The following ROR2 variants were observed in gnomAD, a reference collection of about 807,000 sequenced individuals.
ROR2 encodes the protein tyrosine-protein kinase transmembrane receptor ROR2.
ROR2 carries 33 observed loss-of-function variants against 74.9 expected under a neutral mutation model. The ratio of observed to expected loss-of-function variants is 0.44; its 90% CI spans 0.33 to 0.59. The LOEUF (loss-of-function observed/expected upper bound fraction) is 0.59. Among genes scored for constraint, ROR2 ranks in the 20% least tolerant of loss-of-function variants. The pLI is 0.02. For synonymous variants in ROR2, 586 were observed against 558.7 expected (o/e 1.05, Z -0.69); for missense variants, 1,216 against 1,313.8 (o/e 0.93, Z 1.15).
At chr9:91,916,345 C>T (rs1564036403) in intron 1 of ROR2, among the ~76,000 whole-genome samples, 1 of 152,020 alleles carries the variant, frequency 6.6e-6, no homozygotes, top group African/African-American at 2.4e-5. Context: ...GCTCCCCTGA[C>T]TTTATATTGG....
At chr9:91,855,485 G>A (rs1175292500) in intron 1 of ROR2, among the ~76,000 whole-genome samples, 1 of 152,208 alleles carries the variant, frequency 6.6e-6, no homozygotes, top group African/African-American at 2.4e-5. Flanking sequence ...AGGGAGGGGT[G>A]AAGGTTCATC....
At chr9:91,855,602 G>A (rs1008687963) in intron 1 of ROR2, among the ~76,000 whole-genome samples, 14 of 152,268 alleles carry the variant, frequency 9.2e-5, no homozygotes, top group South Asian at 8.3e-4. Context: ...GACACCCAGG[G>A]GCAATCAGCC....
chr9:91,928,955 T>C (rs1208046270), intron 1 of ROR2, among the ~76,000 whole-genome samples: 1 of 152,254 alleles, frequency 6.6e-6, no homozygotes, highest in Admixed American at 6.5e-5. Flanking sequence ...AGGTGTTGAA[T>C]AGAAAGACTG....
intron 1 of ROR2, chr9:91,886,948 C>A (rs1161183333): frequency 1.3e-5 from 2 of 152,160 alleles, no homozygotes; most frequent in African/African-American, 4.8e-5. Flanking sequence ...GACTGCCTGC[C>A]GTGTCTTTTA....
intron 1 of ROR2, among the ~76,000 whole-genome samples, chr9:91,804,987 T>C (rs1827502480): frequency 6.6e-6 from 1 of 152,240 alleles, no homozygotes; most frequent in Non-Finnish European, 1.5e-5. Flanking sequence ...TTAGCCCTCC[T>C]TTCTCACAGA....
chr9:91,933,930 A>G (rs754509166), intron 1 of ROR2, among the ~76,000 whole-genome samples: 1 of 152,240 alleles, frequency 6.6e-6, no homozygotes, highest in Admixed American at 6.5e-5. Flanking sequence ...GTAATGGTCA[A>G]GTAACAATAA....
Position 91,880,019 on chromosome 9 carries a change from T to G in ROR2, c.97+69848A>C, listed in dbSNP as rs112907855. 9.1e-3 allele frequency among the ~76,000 whole-genome samples: 1,387 copies of G among 152,272 alleles called. 31 individuals are homozygous for G. The highest frequency in any genetic ancestry group is 0.031 in the African/African-American group (1,294 of 41,542). ...CTCCTAATTATTATCGGCTGAATTG[T>G]GACCTCCAAAATTCGTATGTTGAAG... On this transcript the variant is annotated intron_variant, in intron 1 of 8. Coordinates refer to ENST00000375708, the MANE Select transcript of ROR2 (RefSeq NM_004560.4).
At chr9:91,840,074 G>C (rs73651570) in intron 1 of ROR2, among the ~76,000 whole-genome samples, 1 of 151,880 alleles carries the variant, frequency 6.6e-6, no homozygotes, top group East Asian at 1.9e-4. Context: ...CACCCTGCCC[G>C]GGAAATGCCC....
intron 2 of ROR2, among the ~76,000 whole-genome samples, chr9:91,768,174 C>T (rs1167168909): frequency 1.3e-5 from 2 of 152,160 alleles, no homozygotes; most frequent in Non-Finnish European, 2.9e-5. Context: ...CAGAAGGAAC[C>T]GACTCTGCCA....
At chr9:91,839,831 C>T (rs1050427262) in intron 1 of ROR2, among the ~76,000 whole-genome samples, 6 of 151,844 alleles carry the variant, frequency 4.0e-5, no homozygotes, top group African/African-American at 9.7e-5. Context: ...TTTTCTCCAC[C>T]GACACTCCTG....
At chr9:91,885,446 A>T (rs1830243459) in intron 1 of ROR2, among the ~76,000 whole-genome samples, 1 of 152,176 alleles carries the variant, frequency 6.6e-6, no homozygotes, top group Non-Finnish European at 1.5e-5. Flanking sequence ...TCAGCCCATT[A>T]TCTCCATTCC....
chr9:91,933,612 T>A (rs1416852979), intron 1 of ROR2, among the ~76,000 whole-genome samples: 1 of 152,188 alleles, frequency 6.6e-6, no homozygotes, highest in Non-Finnish European at 1.5e-5. Context: ...ATGAGAACTA[T>A]CGTTAGGTGA....
At chr9:91,836,550 A>AAAAAAAAAAAAAAAAAAAAAAAAAAAC (rs1828617680) in intron 1 of ROR2, among the ~76,000 whole-genome samples, 1 of 151,896 alleles carries the variant, frequency 6.6e-6, no homozygotes, top group Admixed American at 6.6e-5. Context: ...AAAAAAAAAA[A>AAAAAAAAAAAAAAAAAAAAAAAAAAAC]AAAACAGTCT....
chr9:91,874,327 G>A (rs574605684), intron 1 of ROR2, among the ~76,000 whole-genome samples: 6 of 152,212 alleles, frequency 3.9e-5, no homozygotes, highest in African/African-American at 1.4e-4. Context: ...AGTGGCACAC[G>A]TGTCCCAGGA....
rs1832126324 is a variant in ROR2, at chr9:91,949,886, G to A, written c.78C>T (p.Leu26=). The part of the protein sequence containing the change: ...PAVWAAAALL[L]SVSRTSGEVE... The stretch of plus-strand genomic sequence containing the variant: ...TCCTACCTGAAGTCCGGGACACTGA[G>A]AGCAGAAGCGCGGCGGCCGCCCAGA... The change falls in exon 1 of 9, where the codon CTC becomes CTT. Residue 26 remains leucine, a synonymous_variant. Transcript: ENST00000375708. 12 of 1,540,754 alleles carry A rather than the reference G, an allele frequency of 7.8e-6. No individual in the cohort carries two copies. The highest frequency in any genetic ancestry group is 2.0e-5 in the Admixed American group (1 of 50,796).
intron 1 of ROR2, among the ~76,000 whole-genome samples, chr9:91,911,404 A>G (rs142505226): frequency 3.3e-5 from 5 of 152,342 alleles, no homozygotes; most frequent in Non-Finnish European, 7.4e-5. Flanking sequence ...AACACTGTGT[A>G]TCTGTGTATC....
At chr9:91,931,611 A>G (rs967090294) in intron 1 of ROR2, among the ~76,000 whole-genome samples, 1 of 152,216 alleles carries the variant, frequency 6.6e-6, no homozygotes, top group African/African-American at 2.4e-5. Context: ...ACCAAATTTT[A>G]AGCCATTTAA....
In ROR2 at chr9:91,730,976, C is replaced by A; in HGVS notation, c.1117G>T (p.Glu373Ter). 2 of 1,614,238 alleles carry A rather than the reference C, an allele frequency of 1.2e-6. No homozygotes were observed. Among genetic ancestry groups the A allele is most frequent in the Non-Finnish European group, 1.7e-6 (2 of 1,180,044 alleles). Residue 373 changes from glutamate (E) to a stop codon, truncating the protein, a stop_gained, in exon 7 of 9, where the codon GAG becomes TAG. Transcript: ENST00000375708. LOFTEE classifies it high-confidence loss of function. ...AYCRNPGGQM[E>*]GPWCFTQNKN... ...TTCTGCGTAAAGCACCAGGGGCCCTCCATCTGGCCTCCGGGGTTCCGGCAG... is the reference window on the plus strand; with the variant it reads ...TTCTGCGTAAAGCACCAGGGGCCCTACATCTGGCCTCCGGGGTTCCGGCAG...
chr9:91,728,425 GTGTT>G (rs141451803), intron 7 of ROR2, among the ~76,000 whole-genome samples: 14,755 of 152,106 alleles, frequency 0.097, 823 homozygotes, highest in African/African-American at 0.14. Flanking sequence ...TTGAGACAGA[GTGTT>G]TGTTTATTTA....
Sources: gnomAD v4.1 joint callset for allele counts (sites outside exome capture counted in the v4.1 genomes callset) on GRCh38, gnomAD v4.1.1 for gene constraint, MANE v1.5 for transcripts, NCBI Gene and HGNC (gene_info 2026-07-23, HGNC 2026-07-21) for gene names.